SEMA7A: variants seen among roughly 807,000 people sequenced by gnomAD.
The protein encoded by SEMA7A is semaphorin 7A (JohnMiltonHagen blood group).
Under a neutral mutation model 67.5 loss-of-function variants are expected in SEMA7A, and 21 were observed. That is an observed-to-expected ratio of 0.31 (90% confidence interval 0.22 to 0.45). The LOEUF is 0.45. Ranked by LOEUF, SEMA7A falls within the 20% of genes least tolerant of loss-of-function variation. The pLI is 1.00. For synonymous variants in SEMA7A, 364 were observed against 368.5 expected (o/e 0.99, Z 0.14); for missense variants, 774 against 908.6 (o/e 0.85, Z 1.90).
intron 1 of SEMA7A, chr15:74,433,498 C>A (rs1041961155): frequency 3.5e-6 from 4 of 1,133,654 alleles, no homozygotes; most frequent in Admixed American, 4.6e-5. Flanking sequence ...GGACTTGGTG[C>A]GACTTAGCCG....
At position 74,433,821 on chromosome 15, in the gene SEMA7A, A is replaced by AGCC; in HGVS notation, c.95_97dup (p.Arg32dup). 1.5e-6 allele frequency: 2 copies of AGCC among 1,363,000 alleles called. No individual in the cohort carries two copies. The highest frequency in any genetic ancestry group is 1.9e-6 in the Non-Finnish European group (2 of 1,062,530). The allele number at this position is 1,363,000 out of a possible 1,614,324, so 84.4% of individuals were successfully genotyped here. ...GGCGGCCGCCCAGAGCAGCAGCAGC[A>AGCC]GCCGCAGCCGCAGCGGAAGCCCCAA... is the stretch of plus-strand genomic sequence containing the variant. On this transcript the variant is annotated inframe_insertion, in exon 1 of 14. Transcript: ENST00000261918.
At chr15:74,419,449 G>A (rs28362906) in intron 1 of SEMA7A, among the ~76,000 whole-genome samples, 5,095 of 152,212 alleles carry the variant, frequency 0.033, 142 homozygotes, top group Non-Finnish European at 0.052. Flanking sequence ...CAGGTTCCCA[G>A]GAATCACAAT....
chr15:74,413,141 G>C (rs935401494), intron 10 of SEMA7A, among the ~76,000 whole-genome samples: 1 of 151,586 alleles, frequency 6.6e-6, no homozygotes, highest in African/African-American at 2.4e-5. Flanking sequence ...TGGACTCTGA[G>C]ATGTGGCCAG....
At chr15:74,422,406 C>G (rs961954188) in intron 1 of SEMA7A, among the ~76,000 whole-genome samples, 1 of 152,092 alleles carries the variant, frequency 6.6e-6, no homozygotes, top group Admixed American at 6.5e-5. Context: ...GGGGAGGGGG[C>G]TAGGGACATA....
At position 74,414,452 on chromosome 15, in the gene SEMA7A, T is replaced by C. The variant is rs2060927845; in HGVS notation, c.1294+95A>G. On this transcript the variant is annotated intron_variant, in intron 10 of 13. Transcript: ENST00000261918. This position sits in a 1 kb window ranked among gnomAD's most constrained non-coding sequence, Gnocchi z 4.1. Reference sequence around the variant, plus strand: ...CAGTCACTCAATTATTCCTTCCACATGTAAAGATCCAACCAGATGTTAACT... The same window carrying C: ...CAGTCACTCAATTATTCCTTCCACACGTAAAGATCCAACCAGATGTTAACT... 10 of 1,234,160 alleles carry C rather than the reference T, an allele frequency of 8.1e-6. No homozygotes were observed. Among genetic ancestry groups the C allele is most frequent in the South Asian group, 1.3e-5 (1 of 74,538 alleles). 76.5% of individuals were successfully genotyped at this position (1,234,160 alleles called of 1,614,324 possible).
intron 3 of SEMA7A, 126 bp from the exon 4 acceptor site, chr15:74,418,095 C>A: frequency 3.3e-6 from 4 of 1,209,932 alleles, no homozygotes; most frequent in East Asian, 2.4e-5. Context: ...GACAGCCTCC[C>A]GGGACAGCCC....
intron 1 of SEMA7A, among the ~76,000 whole-genome samples, chr15:74,421,769 T>C (rs921964677): frequency 6.6e-6 from 1 of 152,078 alleles, no homozygotes; most frequent in South Asian, 2.1e-4. Context: ...GGCTGGGGGC[T>C]AAGGGGCAGG....
rs1025517810 is a variant in SEMA7A at position 74,423,923 on chromosome 15, G to A, written c.179-4971C>T. 1.3e-5 allele frequency among the ~76,000 whole-genome samples: 2 copies of A among 152,218 alleles called. No homozygotes were observed. Among genetic ancestry groups the A allele is most frequent in the African/African-American group, 4.8e-5 (2 of 41,446 alleles). On this transcript the variant is annotated intron_variant, in intron 1 of 13. Transcript: ENST00000261918. This position sits in a 1 kb window ranked among gnomAD's most constrained non-coding sequence, Gnocchi z 4.1. ...GTGGGTCCTGGCAACTCTCAGGCAG[G>A]GTTAGGTTCTAGATTAGCTAGTCGC...
At chr15:74,421,571 T>C (rs1337400480) in intron 1 of SEMA7A, among the ~76,000 whole-genome samples, 2 of 152,126 alleles carry the variant, frequency 1.3e-5, no homozygotes, top group Admixed American at 1.3e-4. Context: ...GTGATGCGTA[T>C]GGACTAGAGG....
At chr15:74,417,225 T>G (rs2075590) in intron 6 of SEMA7A, 110 bp downstream of exon 6, 160,849 of 829,324 alleles carry the variant, frequency 0.19, 20,574 homozygotes, top group African/African-American at 0.46. Context: ...CTTTCCTGCA[T>G]GGCCCCAGCG....
At chr15:74,413,934 C>T (rs567477509) in intron 10 of SEMA7A, among the ~76,000 whole-genome samples, 6 of 152,274 alleles carry the variant, frequency 3.9e-5, no homozygotes, top group Admixed American at 2.6e-4. Flanking sequence ...CTGGCTCCTC[C>T]GTGTCCTGTG....
At chr15:74,421,083 C>A (rs758068046) in intron 1 of SEMA7A, among the ~76,000 whole-genome samples, 4 of 152,320 alleles carry the variant, frequency 2.6e-5, no homozygotes, top group Middle Eastern at 3.4e-3. Context: ...TGGGTGGGGG[C>A]ACCCTGGTCT....
chr15:74,426,747 G>GC (rs2061047013), intron 1 of SEMA7A, among the ~76,000 whole-genome samples: 1 of 152,172 alleles, frequency 6.6e-6, no homozygotes, highest in Non-Finnish European at 1.5e-5. Flanking sequence ...CTGTACTCCA[G>GC]CCTGGGAGAC....
chr15:74,417,367 C>T lies in SEMA7A; in HGVS notation c.629G>A (p.Ser210Asn), dbSNP rs1204684288. 1 of 1,614,044 alleles carries T rather than the reference C, an allele frequency of 6.2e-7. No homozygotes were observed. Among genetic ancestry groups the T allele is most frequent in the Non-Finnish European group, 8.5e-7 (1 of 1,180,008 alleles). ...IPRFRRIRGE[S>N]ELYTSDTVMQ... ...GACAGTATCACTGGTGTACAGCTCA[C>T]TCTCGCCCCGGATGCGGCGGAACCG... is the stretch of plus-strand genomic sequence containing the variant. Residue 210 changes from serine (S) to asparagine (N), a missense_variant, in exon 6 of 14, where the codon AGT becomes AAT. Physicochemically the swap from Ser to Asn is conservative, Grantham distance 46. Coordinates refer to ENST00000261918, the MANE Select transcript of SEMA7A (RefSeq NM_003612.5).
chr15:74,418,819 C>T lies in SEMA7A; in HGVS notation c.312G>A (p.Lys104=). 1 of 1,613,886 alleles carries T rather than the reference C, an allele frequency of 6.2e-7. No individual in the cohort carries two copies. ...KVYLFDFPEG[K]NASVRTVNIG... ...GGCTCACCGTGCGCACAGATGCGTT[C>T]TTGCCCTCGGGGAAGTCAAAGAGGT... The change falls in exon 2 of 14, where the codon AAG becomes AAA. Residue 104 remains lysine (K), a synonymous_variant. Coordinates refer to ENST00000261918, the MANE Select transcript of SEMA7A (RefSeq NM_003612.5).
Position 74,416,673 on chromosome 15 carries a change from C to T in SEMA7A, c.703G>A (p.Ala235Thr). Residue 235 changes from alanine to threonine, a missense_variant, in exon 7 of 14, where the codon GCT becomes ACT. Transcript: ENST00000261918. ...IKATIVHQDQ[A>T]YDDKIYYFFR... Reference sequence around the variant, plus strand: ...AAGTAGTAGATCTTGTCATCGTAAGCCTGGTCTTGGTGCACGATGGTGGCT... The same window carrying T: ...AAGTAGTAGATCTTGTCATCGTAAGTCTGGTCTTGGTGCACGATGGTGGCT... 1.9e-6 allele frequency: 3 copies of T among 1,614,098 alleles called. No individual in the cohort carries two copies. The highest frequency in any genetic ancestry group is 2.5e-6 in the Non-Finnish European group (3 of 1,179,990).
At position 74,410,672 on chromosome 15, in the gene SEMA7A, G is replaced by C; in HGVS notation, c.1953C>G (p.Leu651=). 1 of 1,608,966 alleles carries C rather than the reference G, an allele frequency of 6.2e-7. No homozygotes were observed. The highest frequency in any genetic ancestry group is 8.5e-7 in the Non-Finnish European group (1 of 1,176,358). ...LGHACALAAS[L]WLGVLPTLTL... is the part of the protein sequence containing the mutation. ...TGAGTGTGGGCAGCACCCCCAGCCA[G>C]AGGGAGGCGGCCAGGGCACAGGCAT... Residue 651 remains leucine, a synonymous_variant, in exon 14 of 14, where the codon CTC becomes CTG. Transcript: ENST00000261918. This position sits in a 1 kb window ranked among gnomAD's most constrained non-coding sequence, Gnocchi z 7.5.
intron 5 of SEMA7A, 24 bp downstream of exon 5, chr15:74,417,567 G>A (rs751918151): frequency 3.7e-6 from 6 of 1,606,736 alleles, no homozygotes; most frequent in South Asian, 1.1e-5. Flanking sequence ...TCCCCCTGGG[G>A]CGCCTGCTCC....
In SEMA7A at chr15:74,418,874, G is replaced by A. The variant is rs1210859540; in HGVS notation, c.257C>T (p.Ser86Phe). The change falls in exon 2 of 14, where the codon TCT (serine) becomes TTT (phenylalanine). Residue 86 changes from serine (S) to phenylalanine (F), a missense_variant. Physicochemically the swap from Ser to Phe is radical, Grantham distance 155. Around this residue, in one of 2 missense-constraint regions of SEMA7A, gnomAD observed 347 missense variants for 353.2 expected, o/e 0.98. Coordinates refer to ENST00000261918, the MANE Select transcript of SEMA7A (RefSeq NM_003612.5). Reference protein sequence around the residue: ...TVLFHEPGSSSVWVGGRGKVY... With the variant: ...TVLFHEPGSSFVWVGGRGKVY... ...CTTGCCACGTCCTCCCACCCACACA[G>A]AGGAGCTGCCTGGCTCGTGGAAAAG... 2.5e-6 allele frequency: 4 copies of A among 1,613,916 alleles called. No homozygotes were observed. The highest frequency in any genetic ancestry group is 2.2e-5 in the East Asian group (1 of 44,886).
Sources: allele counts gnomAD v4.1 joint callset (sites outside exome capture counted in the v4.1 genomes callset), GRCh38; gene constraint gnomAD v4.1.1; regional missense constraint gnomAD v4.1.1; non-coding constraint Gnocchi (gnomAD v3.1); transcripts MANE v1.5; gene names NCBI Gene and HGNC (gene_info 2026-07-23, HGNC 2026-07-21).